The following PACS2 variants were observed in gnomAD, a reference collection of about 807,000 sequenced individuals.
The protein encoded by PACS2 is PACS1-like protein.
In PACS2, 36 loss-of-function variants were observed where a neutral mutation model predicts 113.0. That is an observed-to-expected ratio of 0.32 (90% confidence interval 0.24 to 0.42). PACS2 has a LOEUF of 0.42. PACS2 is among the 10% of genes least tolerant of loss of function. The pLI is 1.00. For missense variants in PACS2, 1,015 were observed against 1,239.5 expected, an observed-to-expected ratio of 0.82 and a Z score of 2.72; for synonymous variants, 589 against 536.1, an observed-to-expected ratio of 1.10 and a Z score of -1.36.
upstream of PACS2, among the ~76,000 whole-genome samples, chr14:105,311,738 A>G (rs1184769841): frequency 2.0e-5 from 3 of 152,202 alleles, no homozygotes; most frequent in African/African-American, 7.2e-5. Flanking sequence ...CTGCGGGTGC[A>G]GCGATCTCAG....
At chr14:105,333,745 T>C (rs113334272) in intron 1 of PACS2, among the ~76,000 whole-genome samples, 98 of 152,326 alleles carry the variant, frequency 6.4e-4, no homozygotes, top group African/African-American at 2.3e-3. Flanking sequence ...GACCCAGGGC[T>C]GGCAACCGGC....
chr14:105,349,884 A>G (rs781835312), intron 2 of PACS2, among the ~76,000 whole-genome samples: 54 of 145,878 alleles, frequency 3.7e-4, no homozygotes, highest in Non-Finnish European at 6.2e-4. Flanking sequence ...GAGCGTGGCT[A>G]ATAGCAGGAC....
intron 1 of PACS2, among the ~76,000 whole-genome samples, chr14:105,319,065 A>G (rs1025228776): frequency 1.3e-5 from 2 of 152,012 alleles, no homozygotes; most frequent in African/African-American, 4.8e-5. Flanking sequence ...CTCCTGCCTC[A>G]GCCTCCTGAG....
intron 1 of PACS2, among the ~76,000 whole-genome samples, chr14:105,341,770 G>A (rs1399166559): frequency 6.6e-6 from 1 of 152,128 alleles, no homozygotes; most frequent in African/African-American, 2.4e-5. Context: ...TTTATTCTTC[G>A]TGTTTGCACA....
rs2081098726 is a variant in PACS2, at chr14:105,384,339, C to T, written c.1781-14C>T. 1 of 1,536,962 alleles carries T rather than the reference C, an allele frequency of 6.5e-7. No individual in the cohort carries two copies. Among genetic ancestry groups the T allele is most frequent in the Non-Finnish European group, 9.0e-7 (1 of 1,113,472 alleles). On this transcript the variant is annotated splice_polypyrimidine_tract_variant and intron_variant, in intron 16 of 24. Transcript: ENST00000447393. ...GTCCCCCGTGGTGACACCAGCCCCA[C>T]CCCTGGCATGCAGGCTCCCACCCCG...
At chr14:105,322,062 C>T (rs1383322792) in intron 1 of PACS2, among the ~76,000 whole-genome samples, 2 of 151,770 alleles carry the variant, frequency 1.3e-5, no homozygotes, top group Admixed American at 6.6e-5. Flanking sequence ...CTCAGCCTCC[C>T]GAGTAGCTGG....
intron 4 of PACS2, among the ~76,000 whole-genome samples, chr14:105,364,552 C>T (rs1189197942): frequency 1.3e-5 from 2 of 150,016 alleles, no homozygotes; most frequent in Non-Finnish European, 3.0e-5. Flanking sequence ...AGGCTTGCTG[C>T]GATGTTGGCA....
At chr14:105,327,867 G>A (rs767353560) in intron 1 of PACS2, among the ~76,000 whole-genome samples, 14 of 151,268 alleles carry the variant, frequency 9.3e-5, no homozygotes, top group Non-Finnish European at 1.6e-4. Context: ...CCACCCGATG[G>A]ACCATTGACA....
chr14:105,362,221 A>G (rs889848068), intron 4 of PACS2, among the ~76,000 whole-genome samples: 4 of 151,260 alleles, frequency 2.6e-5, no homozygotes, highest in East Asian at 2.0e-4. Context: ...GATCAAGACC[A>G]TCCTGGCTAA....
rs2059687162 is a variant in PACS2 at position 105,340,630 on chromosome 14, A to T, written c.120-7863A>T. Among the ~76,000 whole-genome samples, 1 of 152,180 alleles carries T rather than the reference A, an allele frequency of 6.6e-6. No homozygotes were observed. Among genetic ancestry groups the T allele is most frequent in the African/African-American group, 2.4e-5 (1 of 41,448 alleles). ...ATCTCCTGCTGTGCGGCCAGTTGCT[A>T]ACAGGCCAGGAACCTGTCCTGGGGG... On this transcript the variant is annotated intron_variant, in intron 1 of 24. Coordinates refer to ENST00000447393, the MANE Select transcript of PACS2 (RefSeq NM_001100913.3). This position sits in a 1 kb window ranked among gnomAD's most constrained non-coding sequence, Gnocchi z 4.2.
At chr14:105,372,191 C>T (rs2061180190) in intron 8 of PACS2, 1 of 152,242 alleles carries the variant, frequency 6.6e-6, no homozygotes, top group Non-Finnish European at 1.5e-5. Flanking sequence ...GGGACCCATC[C>T]TGTGAGGAGG....
chr14:105,314,040 A>G (rs750848212), upstream of PACS2, among the ~76,000 whole-genome samples: 1 of 152,286 alleles, frequency 6.6e-6, no homozygotes, highest in African/African-American at 2.4e-5. Context: ...GCTGGGACGC[A>G]AAGAGGGCGC....
chr14:105,368,674 A>C, intron 7 of PACS2, 135 bp downstream of exon 7: 1 of 681,676 alleles, frequency 1.5e-6, no homozygotes. Flanking sequence ...CCCGTGGCAG[A>C]CCCCCTGATT....
chr14:105,339,597 G>A (rs1555401214), intron 1 of PACS2, among the ~76,000 whole-genome samples: 1 of 151,768 alleles, frequency 6.6e-6, no homozygotes, highest in Non-Finnish European at 1.5e-5. Context: ...TTGGGAGGCT[G>A]AAGGGAGAGG....
upstream of PACS2, chr14:105,314,498 G>C (rs1171890242): frequency 6.7e-6 from 1 of 148,302 alleles, no homozygotes; most frequent in African/African-American, 2.5e-5. Context: ...CTGTGCGCAG[G>C]CGCGTGAGTG....
rs782425096 is a variant in PACS2, at chr14:105,392,733, G to A, written c.2370G>A (p.Thr790=). The A allele has an allele frequency of 9.9e-6, 16 of 1,612,880 alleles. No homozygotes were observed. The highest frequency in any genetic ancestry group is 1.6e-4 in the Middle Eastern group (1 of 6,062). Residue 790 remains threonine, a synonymous_variant, in exon 23 of 25, where the codon ACG becomes ACA. Coordinates refer to ENST00000447393, the MANE Select transcript of PACS2 (RefSeq NM_001100913.3). ...AGGACCTGCCTGTCACCAAAAACAC[G>A]CTCAAGTGCACTTTCCGGTCCCTCC... ...EKKDLPVTKN[T]LKCTFRSLQV... is the part of the protein sequence containing the mutation.
chr14:105,375,798 T>A (rs1377383915), intron 8 of PACS2, among the ~76,000 whole-genome samples: 7 of 152,214 alleles, frequency 4.6e-5, no homozygotes, highest in African/African-American at 1.7e-4. Flanking sequence ...AACACACACA[T>A]GCATGGACCC....
rs782773260 is a variant in PACS2, at chr14:105,376,864, G to A, written c.898G>A (p.Asp300Asn). The change falls in exon 9 of 25, where the codon GAC (aspartate) becomes AAC (asparagine). Residue 300 changes from aspartate to asparagine, a missense_variant. Coordinates refer to ENST00000447393, the MANE Select transcript of PACS2 (RefSeq NM_001100913.3). The surrounding 1 kb of genome is among the most constrained non-coding windows in gnomAD (Gnocchi z 4.7). ...YDTLDMEHPS[D>N]SGPDMEDDDS... ...CACCCTGGACATGGAGCACCCCAGC[G>A]ACAGCGGCCCCGACATGGAGGATGA... The A allele has an allele frequency of 9.3e-6, 15 of 1,613,012 alleles. No homozygotes were observed. The highest frequency in any genetic ancestry group is 2.2e-5 in the East Asian group (1 of 44,880).
intron 8 of PACS2, among the ~76,000 whole-genome samples, chr14:105,375,234 C>T (rs181257456): frequency 1.3e-5 from 2 of 152,214 alleles, no homozygotes; most frequent in African/African-American, 4.8e-5. Context: ...AATCCCAGAA[C>T]TTTGGGAGGC....
Sources: gnomAD v4.1 joint callset for allele counts (sites outside exome capture counted in the v4.1 genomes callset) on GRCh38, gnomAD v4.1.1 for gene constraint, Gnocchi (gnomAD v3.1) non-coding constraint, MANE v1.5 for transcripts, NCBI Gene and HGNC (gene_info 2026-07-23, HGNC 2026-07-21) for gene names.